The following QKI variants were observed in gnomAD, a reference collection of about 807,000 sequenced individuals.
QKI encodes QKI, KH domain containing RNA binding, also known as KH domain-containing RNA-binding protein QKI.
QKI carries 10 observed loss-of-function variants against 39.0 expected under a neutral mutation model. The ratio of observed to expected loss-of-function variants is 0.26; its 90% CI spans 0.16 to 0.43. The LOEUF (loss-of-function observed/expected upper bound fraction) is 0.43, where lower values mean the gene tolerates loss of function less well. QKI is among the 20% of genes least tolerant of loss of function. The pLI is 1.00. For missense variants in QKI, 218 were observed against 428.0 expected, an observed-to-expected ratio of 0.51 and a Z score of 4.33; for synonymous variants, 204 against 155.4, an observed-to-expected ratio of 1.31 and a Z score of -2.33.
intron 1 of QKI, among the ~76,000 whole-genome samples, chr6:163,427,356 A>C (rs1788490568): frequency 6.6e-6 from 1 of 151,624 alleles, no homozygotes; most frequent in African/African-American, 2.4e-5. Flanking sequence ...TCAAAATAAC[A>C]AAATTAATAA....
At chr6:163,487,361 T>C (rs1227481020) in intron 3 of QKI, among the ~76,000 whole-genome samples, 3 of 152,176 alleles carry the variant, frequency 2.0e-5, no homozygotes, top group African/African-American at 7.2e-5. Context: ...TAGAATCAAA[T>C]TCAGACATAT....
At chr6:163,564,654 C>CT (rs746104508) in intron 6 of QKI, 14 of 1,608,096 alleles carry the variant, frequency 8.7e-6, no homozygotes, top group Middle Eastern at 1.6e-4. Context: ...TTACTGATGC[C>CT]TTTTTTTTAT....
At chr6:163,554,580 TTAAGA>T (rs1378088289) in intron 4 of QKI, among the ~76,000 whole-genome samples, 13 of 152,352 alleles carry the variant, frequency 8.5e-5, no homozygotes, top group South Asian at 2.1e-4. Context: ...ACTTAGGTGT[TTAAGA>T]TAAGTATTTC....
intron 1 of QKI, 41 bp from the exon 2 acceptor site, chr6:163,455,238 T>C: frequency 6.8e-7 from 1 of 1,473,962 alleles, no homozygotes; most frequent in Non-Finnish European, 9.2e-7. Flanking sequence ...AGCAAGAATA[T>C]TTTTTTTGTC....
intron 3 of QKI, among the ~76,000 whole-genome samples, chr6:163,508,417 G>A (rs1779228257): frequency 6.6e-6 from 1 of 152,068 alleles, no homozygotes; most frequent in Admixed American, 6.6e-5. Context: ...ACCATATATA[G>A]GGGAACAATG....
At chr6:163,552,586 G>A (rs1782308216) in intron 4 of QKI, among the ~76,000 whole-genome samples, 1 of 152,016 alleles carries the variant, frequency 6.6e-6, no homozygotes, top group Non-Finnish European at 1.5e-5. Flanking sequence ...GCTGTTTCAG[G>A]GCTGGCAGGG....
At chr6:163,421,889 C>T (rs1388926283) in intron 1 of QKI, among the ~76,000 whole-genome samples, 1 of 151,878 alleles carries the variant, frequency 6.6e-6, no homozygotes, top group Non-Finnish European at 1.5e-5. Flanking sequence ...GGATTACAGG[C>T]GCCCGCCACC....
intron 3 of QKI, among the ~76,000 whole-genome samples, chr6:163,515,778 G>A (rs6455903): frequency 0.79 from 119,656 of 152,092 alleles, 47,246 homozygotes; most frequent in East Asian, 1. Flanking sequence ...AAAGCACTTT[G>A]AATATTGAAT....
intron 3 of QKI, 30 bp downstream of exon 3, chr6:163,478,926 A>T (rs1203181272): frequency 6.8e-7 from 1 of 1,465,672 alleles, no homozygotes; most frequent in Non-Finnish European, 9.5e-7. Flanking sequence ...CTAAGTCTTT[A>T]TGTGAGTAAC....
intron 1 of QKI, among the ~76,000 whole-genome samples, chr6:163,451,594 T>C (rs1187830971): frequency 6.6e-6 from 1 of 152,218 alleles, no homozygotes; most frequent in African/African-American, 2.4e-5. Flanking sequence ...AAAATTTCTC[T>C]TGATACTGGG....
chr6:163,568,774 TACTA>T, intron 7 of QKI: 1 of 984,922 alleles, frequency 1.0e-6, no homozygotes, highest in Non-Finnish European at 1.2e-6. Context: ...TCTAGTTCTT[TACTA>T]AAAGTAAACT....
intron 3 of QKI, among the ~76,000 whole-genome samples, chr6:163,510,677 A>C (rs368680122): frequency 1.3e-5 from 2 of 152,204 alleles, no homozygotes; most frequent in Non-Finnish European, 2.9e-5. Context: ...TATTAATATC[A>C]GGTAAAATAG....
At position 163,437,868 on chromosome 6, in the gene QKI, G is replaced by A. The variant is rs559513468; in HGVS notation, c.143-17411G>A. ...TGTGGTTAAACTAATTTTAAACTCC[G>A]GAAAAGTGGTTAAGCCAAAAAAGGT... On this transcript the variant is annotated intron_variant, in intron 1 of 7. Coordinates refer to ENST00000361752, the MANE Select transcript of QKI (RefSeq NM_006775.3). Among the ~76,000 whole-genome samples the A allele has an allele frequency of 4.7e-5, 7 of 147,870 alleles. No homozygotes were observed. The East Asian group carries it at 1.4e-3, about 29-fold the overall frequency.
intron 3 of QKI, among the ~76,000 whole-genome samples, chr6:163,502,821 G>T (rs1778853944): frequency 6.6e-6 from 1 of 152,106 alleles, no homozygotes; most frequent in African/African-American, 2.4e-5. Context: ...CATGCAAGTT[G>T]CATGTGTCTT....
At chr6:163,510,268 T>TAA (rs1779368767) in intron 3 of QKI, among the ~76,000 whole-genome samples, 1 of 140,942 alleles carries the variant, frequency 7.1e-6, no homozygotes, top group African/African-American at 2.6e-5. Context: ...ATAAGTAAAC[T>TAA]AAAAAGCAAG....
In QKI at chr6:163,575,398, A is replaced by T. The variant is rs1783924760; in HGVS notation, c.*4688A>T. The T allele has an allele frequency of 6.6e-6, 1 of 152,270 alleles. No homozygotes were observed. 9.4% of individuals were successfully genotyped at this position (152,270 alleles called of 1,614,324 possible). A position where few individuals can be genotyped will look rare whatever the true frequency, so the allele number is the denominator to read the frequency against. On this transcript the variant is annotated 3_prime_UTR_variant, in exon 8 of 8. Coordinates refer to ENST00000361752, the MANE Select transcript of QKI (RefSeq NM_006775.3). ...ATAACATTACAGATTTCATTTTTAT[A>T]CAGGTTACAATATTAAACATGAAAC...
chr6:163,420,399 T>C (rs1180930266), intron 1 of QKI, among the ~76,000 whole-genome samples: 1 of 152,086 alleles, frequency 6.6e-6, no homozygotes, highest in African/African-American at 2.4e-5. Flanking sequence ...TGCTGTGACA[T>C]TGTTGGTTTT....
At chr6:163,553,539 T>C (rs1288355119) in intron 4 of QKI, among the ~76,000 whole-genome samples, 1 of 150,896 alleles carries the variant, frequency 6.6e-6, no homozygotes, top group Admixed American at 6.6e-5. Flanking sequence ...TTGGAGGTGT[T>C]TTTTTTTTAA....
intron 3 of QKI, among the ~76,000 whole-genome samples, chr6:163,498,804 T>G (rs1383081978): frequency 6.6e-6 from 1 of 152,306 alleles, no homozygotes; most frequent in East Asian, 1.9e-4. Context: ...ATTTTATTTT[T>G]CCATTGCCTT....
Sources: gnomAD v4.1 joint callset for allele counts (sites outside exome capture counted in the v4.1 genomes callset) on GRCh38, gnomAD v4.1.1 for gene constraint, MANE v1.5 for transcripts, NCBI Gene and HGNC (gene_info 2026-07-23, HGNC 2026-07-21) for gene names.